The following PREX2 variants were observed in gnomAD, a reference collection of about 807,000 sequenced individuals.
PREX2 encodes the protein phosphatidylinositol-3,4,5-trisphosphate dependent Rac exchange factor 2.
In PREX2, 107 loss-of-function variants were observed where a neutral mutation model predicts 203.2. The ratio of observed to expected loss-of-function variants is 0.53; its 90% CI spans 0.45 to 0.62. The LOEUF (loss-of-function observed/expected upper bound fraction) is 0.62. Ranked by LOEUF, PREX2 falls within the 20% of genes least tolerant of loss-of-function variation. The probability of loss-of-function intolerance (pLI) is 0.00; values close to 1 mark genes in which losing one functional copy is unlikely to be tolerated. For synonymous variants in PREX2, 672 were observed against 663.6 expected (o/e 1.01, Z -0.19); for missense variants, 1,777 against 1,955.9 (o/e 0.91, Z 1.72).
At chr8:68,004,964 C>T (rs1468738774) in intron 1 of PREX2, among the ~76,000 whole-genome samples, 3 of 152,222 alleles carry the variant, frequency 2.0e-5, no homozygotes, top group South Asian at 2.1e-4. Context: ...GCAGCTCTCC[C>T]GTAAATGGTG....
intron 34 of PREX2, among the ~76,000 whole-genome samples, chr8:68,150,701 C>G (rs1024016539): frequency 7.2e-5 from 11 of 152,212 alleles, no homozygotes; most frequent in African/African-American, 2.4e-4. Flanking sequence ...ACCCACAGAC[C>G]AAGTGTTTCA....
chr8:68,127,934 C>G (rs1810927626), intron 31 of PREX2, among the ~76,000 whole-genome samples: 1 of 152,036 alleles, frequency 6.6e-6, no homozygotes, highest in Admixed American at 6.6e-5. Flanking sequence ...AAGGCAGGCA[C>G]TATGTCTATT....
At chr8:68,000,678 A>G (rs1806912426) in intron 1 of PREX2, among the ~76,000 whole-genome samples, 1 of 152,226 alleles carries the variant, frequency 6.6e-6, no homozygotes, top group Non-Finnish European at 1.5e-5. Context: ...TGGACGCATC[A>G]CAGTTCCCAA....
intron 35 of PREX2, among the ~76,000 whole-genome samples, chr8:68,177,570 G>A: frequency 6.6e-6 from 1 of 152,178 alleles, no homozygotes; most frequent in East Asian, 1.9e-4. Flanking sequence ...GTCTCTTAAA[G>A]AAGTTGTAAA....
At position 68,226,119 on chromosome 8, in the gene PREX2, G is replaced by A. The variant is rs1042678122; in HGVS notation, c.4775+1493G>A. Among the ~76,000 whole-genome samples, 5 of 152,140 alleles carry A rather than the reference G, an allele frequency of 3.3e-5. No homozygotes were observed. In the East Asian group the frequency reaches 7.7e-4, roughly 23 times the overall value. On this transcript the variant is annotated intron_variant, in intron 39 of 39. Coordinates refer to ENST00000288368, the MANE Select transcript of PREX2 (RefSeq NM_024870.4). ...GCCATAAAGTTGACATTATCTACAA[G>A]GGAGTAATAGGCCTGAGAGAGAAAG...
At chr8:68,195,866 T>G (rs1319775408) in intron 37 of PREX2, among the ~76,000 whole-genome samples, 1 of 152,246 alleles carries the variant, frequency 6.6e-6, no homozygotes, top group African/African-American at 2.4e-5. Flanking sequence ...TTAAAACTAT[T>G]GAATTATATT....
intron 37 of PREX2, among the ~76,000 whole-genome samples, chr8:68,203,375 T>A (rs1456578269): frequency 6.6e-6 from 1 of 152,166 alleles, no homozygotes; most frequent in Admixed American, 6.5e-5. Flanking sequence ...GTTGAATTAA[T>A]CTGTTACACT....
chr8:68,061,270 G>A lies in PREX2; in HGVS notation c.1339+491G>A, dbSNP rs182527702. Reference sequence around the variant, plus strand: ...TGGGTCCATGGATGAACATACTGGCGAGGGGAGGTGTGGCAAAAAGGCAGG... The same window carrying A: ...TGGGTCCATGGATGAACATACTGGCAAGGGGAGGTGTGGCAAAAAGGCAGG... On this transcript the variant is annotated intron_variant, in intron 11 of 39. Transcript: ENST00000288368. Among the ~76,000 whole-genome samples the A allele has an allele frequency of 2.8e-4, 42 of 152,336 alleles. No individual in the cohort carries two copies. In the East Asian group the frequency reaches 3.1e-3, roughly 11 times the overall value.
intron 8 of PREX2, among the ~76,000 whole-genome samples, chr8:68,047,394 G>T (rs961891405): frequency 3.3e-5 from 5 of 149,272 alleles, no homozygotes; most frequent in Admixed American, 2.0e-4. Flanking sequence ...GATACTATCA[G>T]GCTCATCTGT....
chr8:68,104,354 C>T (rs1328198034), intron 23 of PREX2, among the ~76,000 whole-genome samples: 6 of 152,168 alleles, frequency 3.9e-5, no homozygotes, highest in Admixed American at 1.3e-4. Context: ...CATTGCTTCT[C>T]CAATCCTGCC....
At chr8:68,119,567 C>A in intron 28 of PREX2, 53 bp downstream of exon 28, 1 of 1,325,750 alleles carries the variant, frequency 7.5e-7, no homozygotes, top group Non-Finnish European at 1.1e-6. Context: ...TGTGAGGAGT[C>A]CCTTTTTCAT....
At chr8:68,020,318 A>G (rs983312853) in intron 3 of PREX2, among the ~76,000 whole-genome samples, 1 of 145,726 alleles carries the variant, frequency 6.9e-6, no homozygotes, top group Admixed American at 6.8e-5. Context: ...TTTCAGAACT[A>G]AAGGGCATTC....
At chr8:68,189,928 C>T (rs1812259267) in intron 35 of PREX2, among the ~76,000 whole-genome samples, 1 of 152,156 alleles carries the variant, frequency 6.6e-6, no homozygotes, top group Admixed American at 6.5e-5. Flanking sequence ...GCATAATTGT[C>T]ATTTTGGAAA....
rs759410444 is a variant in PREX2, at chr8:68,138,492, A to G, written c.4062A>G (p.Pro1354=). Residue 1354 remains proline (P), a synonymous_variant, in exon 33 of 40, where the codon CCA becomes CCG. Transcript: ENST00000288368. ...DLEKVSFYFK[P]SEEEPLVANV... Reference sequence around the variant, plus strand: ...AAAAGGTTTCCTTTTACTTTAAACCATCAGAAGAGGAACCTCTGGTTGCAA... The same window carrying G: ...AAAAGGTTTCCTTTTACTTTAAACCGTCAGAAGAGGAACCTCTGGTTGCAA... 1 of 1,599,102 alleles carries G rather than the reference A, an allele frequency of 6.3e-7. No individual in the cohort carries two copies. The highest frequency in any genetic ancestry group is 8.5e-7 in the Non-Finnish European group (1 of 1,170,324).
At chr8:68,039,331 G>A (rs113203295) in intron 7 of PREX2, among the ~76,000 whole-genome samples, 13 of 152,168 alleles carry the variant, frequency 8.5e-5, no homozygotes, top group African/African-American at 3.1e-4. Context: ...GGTTTTGTTT[G>A]TTTTTGTAGC....
intron 19 of PREX2, 117 bp from the exon 20 acceptor site, chr8:68,090,462 A>G: frequency 1.1e-6 from 1 of 883,830 alleles, no homozygotes; most frequent in East Asian, 2.7e-5. Flanking sequence ...GTTTATCAAG[A>G]TTATACTAGC....
At chr8:68,050,534 C>T (rs1039761449) in intron 8 of PREX2, among the ~76,000 whole-genome samples, 2 of 152,180 alleles carry the variant, frequency 1.3e-5, no homozygotes, top group Non-Finnish European at 2.9e-5. Flanking sequence ...CTCCTCCCAC[C>T]AGGCTCCACC....
chr8:67,956,871 C>G (rs1367252245), intron 1 of PREX2, among the ~76,000 whole-genome samples: 4 of 152,256 alleles, frequency 2.6e-5, no homozygotes, highest in Admixed American at 6.5e-5. Flanking sequence ...CCTGTCCAGG[C>G]TTTGATCTTG....
Position 68,097,123 on chromosome 8 carries a change from C to T in PREX2, c.2475C>T (p.Tyr825=), listed in dbSNP as rs538898340. 5.0e-5 allele frequency: 81 copies of T among 1,613,878 alleles called. No homozygotes were observed. The highest frequency in any genetic ancestry group is 4.1e-4 in the South Asian group (37 of 91,070). The part of the protein sequence containing the change: ...VHLEYGVVYE[Y]DSTAGIKCNV... ...TGGAATATGGTGTCGTGTATGAGTA[C>T]GACAGCACAGCTGGCATCAAGTGCA... The change falls in exon 22 of 40, where the codon TAC becomes TAT. Residue 825 remains tyrosine (Y), a synonymous_variant. Coordinates refer to ENST00000288368, the MANE Select transcript of PREX2 (RefSeq NM_024870.4).
Sources: allele counts gnomAD v4.1 joint callset (sites outside exome capture counted in the v4.1 genomes callset), GRCh38; gene constraint gnomAD v4.1.1; transcripts MANE v1.5; gene names NCBI Gene and HGNC (gene_info 2026-07-23, HGNC 2026-07-21).